The following ABI2 variants were observed in gnomAD, a reference collection of about 807,000 sequenced individuals.
ABI2 encodes abl interactor 2.
Under a neutral mutation model 59.2 loss-of-function variants are expected in ABI2, and 25 were observed. That is an observed-to-expected ratio of 0.42 (90% CI 0.31 to 0.59). The LOEUF (loss-of-function observed/expected upper bound fraction) is 0.59, where lower values mean the gene tolerates loss of function less well. Among genes scored for constraint, ABI2 ranks in the 20% least tolerant of loss-of-function variants. The pLI is 0.14. For synonymous variants in ABI2, 213 were observed against 235.5 expected, an observed-to-expected ratio of 0.90 and a Z score of 0.87; for missense variants, 545 against 681.8, an observed-to-expected ratio of 0.80 and a Z score of 2.23.
At chr2:203,394,605 T>G in intron 5 of ABI2, 95 bp from the exon 6 acceptor site, 3 of 1,259,082 alleles carry the variant, frequency 2.4e-6, no homozygotes, top group Non-Finnish European at 2.2e-6. Context: ...TTCCTATCTC[T>G]GATTACAAAT....
intron 2 of ABI2, among the ~76,000 whole-genome samples, chr2:203,370,822 CAA>C (rs1388799308): frequency 3.3e-5 from 5 of 152,076 alleles, no homozygotes; most frequent in Non-Finnish European, 7.4e-5. Flanking sequence ...CAATAAGCCT[CAA>C]GAGTTGTAAG....
At chr2:203,390,008 C>G (rs944577257) in intron 4 of ABI2, among the ~76,000 whole-genome samples, 1 of 152,162 alleles carries the variant, frequency 6.6e-6, no homozygotes, top group Admixed American at 6.5e-5. Context: ...TCAGTTTGGG[C>G]CCAAGTGGGT....
rs1281198766 is a variant in ABI2 at position 203,427,654 on chromosome 2, A to T, written c.*302A>T. 4.7e-6 allele frequency: 1 copy of T among 214,526 alleles called. No individual in the cohort carries two copies. The highest frequency in any genetic ancestry group is 9.4e-6 in the Non-Finnish European group (1 of 106,656). 13.3% of individuals were successfully genotyped at this position (214,526 alleles called of 1,614,324 possible). Reference sequence around the variant, plus strand: ...CCAAAACAAAATCAGATTAAGACTGATTCAGAAAAATCTGGGATCTTTCTC... The same window carrying T: ...CCAAAACAAAATCAGATTAAGACTGTTTCAGAAAAATCTGGGATCTTTCTC... On this transcript the variant is annotated 3_prime_UTR_variant, in exon 12 of 12. Coordinates refer to ENST00000261018, the MANE Select transcript of ABI2 (RefSeq NM_001375670.1).
chr2:203,363,167 C>T (rs910024560), intron 1 of ABI2, among the ~76,000 whole-genome samples: 4 of 151,770 alleles, frequency 2.6e-5, no homozygotes, highest in South Asian at 2.1e-4. Flanking sequence ...AAAAATTTTT[C>T]GTGAGTATAT....
intron 1 of ABI2, among the ~76,000 whole-genome samples, chr2:203,359,296 A>T (rs1488872248): frequency 1.3e-5 from 2 of 152,138 alleles, no homozygotes; most frequent in African/African-American, 4.8e-5. Flanking sequence ...ATATGAACTG[A>T]AGACTTCTAA....
At chr2:203,413,710 A>G (rs1438015645) in intron 10 of ABI2, among the ~76,000 whole-genome samples, 1 of 152,194 alleles carries the variant, frequency 6.6e-6, no homozygotes, top group Non-Finnish European at 1.5e-5. Context: ...TAAACTCTTT[A>G]AAACATTCAC....
intron 1 of ABI2, among the ~76,000 whole-genome samples, chr2:203,337,064 C>T (rs1443637359): frequency 2.0e-5 from 3 of 152,122 alleles, no homozygotes; most frequent in African/African-American, 7.2e-5. Flanking sequence ...GAAACCTTTT[C>T]CTCTAAGATC....
intron 11 of ABI2, among the ~76,000 whole-genome samples, chr2:203,423,794 T>A (rs1044972021): frequency 8.5e-5 from 13 of 152,348 alleles, no homozygotes; most frequent in African/African-American, 2.6e-4. Context: ...ATACTTCATA[T>A]AAAATTATAG....
intron 2 of ABI2, among the ~76,000 whole-genome samples, chr2:203,368,490 T>C (rs898640646): frequency 7.9e-5 from 12 of 152,152 alleles, no homozygotes; most frequent in Non-Finnish European, 1.2e-4. Context: ...TAACCATCTT[T>C]GAGAGTCTAA....
chr2:203,404,086 A>C (rs1039132892), intron 9 of ABI2, among the ~76,000 whole-genome samples: 3 of 151,976 alleles, frequency 2.0e-5, no homozygotes, highest in African/African-American at 4.8e-5. Flanking sequence ...TCCTACCTAC[A>C]TATTTAAAAA....
chr2:203,346,473 G>A (rs538034306), intron 1 of ABI2, among the ~76,000 whole-genome samples: 1 of 152,376 alleles, frequency 6.6e-6, no homozygotes, highest in Admixed American at 6.5e-5. Context: ...CTGTAAGAAG[G>A]AAGGTGAGAA....
chr2:203,343,840 C>G (rs1361821559), intron 1 of ABI2, among the ~76,000 whole-genome samples: 1 of 152,116 alleles, frequency 6.6e-6, no homozygotes, highest in Non-Finnish European at 1.5e-5. Flanking sequence ...AGTTAAAACA[C>G]TATTTTTTGG....
At chr2:203,367,661 G>C (rs1368878333) in intron 2 of ABI2, among the ~76,000 whole-genome samples, 1 of 152,096 alleles carries the variant, frequency 6.6e-6, no homozygotes, top group East Asian at 1.9e-4. Context: ...GCTTTTCTCT[G>C]TTAATATTTT....
chr2:203,341,662 A>G (rs564447403), intron 1 of ABI2, among the ~76,000 whole-genome samples: 61 of 152,234 alleles, frequency 4.0e-4, no homozygotes, highest in South Asian at 2.7e-3. Flanking sequence ...GTGAGCCTAG[A>G]TTGCACCACT....
At chr2:203,413,722 T>G (rs1041692705) in intron 10 of ABI2, among the ~76,000 whole-genome samples, 2 of 152,224 alleles carry the variant, frequency 1.3e-5, no homozygotes, top group African/African-American at 4.8e-5. Flanking sequence ...AACATTCACC[T>G]TGGAAAAATA....
At chr2:203,336,832 G>C (rs76216618) in intron 1 of ABI2, among the ~76,000 whole-genome samples, 5,702 of 152,246 alleles carry the variant, frequency 0.037, 348 homozygotes, top group African/African-American at 0.13. Context: ...GATTATTACC[G>C]TATGGTAAAT....
intron 1 of ABI2, among the ~76,000 whole-genome samples, chr2:203,345,232 C>G (rs2082573377): frequency 6.6e-6 from 1 of 152,152 alleles, no homozygotes; most frequent in Admixed American, 6.5e-5. Flanking sequence ...GAACAAATAA[C>G]TCCAGACACG....
At chr2:203,379,226 C>T (rs2095931252) in intron 2 of ABI2, among the ~76,000 whole-genome samples, 1 of 152,162 alleles carries the variant, frequency 6.6e-6, no homozygotes, top group African/African-American at 2.4e-5. Context: ...GCCCAAGCAA[C>T]TTGGTCTTTT....
Position 203,394,485 on chromosome 2 carries a change from G to C in ABI2, c.579-215G>C. The C allele has an allele frequency of 1.1e-5, 6 of 533,230 alleles. 1 individual carries two copies. Among genetic ancestry groups the C allele is most frequent in the Middle Eastern group, 9.9e-4 (2 of 2,012 alleles). The allele number at this position is 533,230 out of a possible 1,614,324, so 33.0% of individuals were successfully genotyped here. On this transcript the variant is annotated intron_variant, in intron 5 of 11. Transcript: ENST00000261018. ...ATGAACAAAATTGCATTAGCACAGG[G>C]AAATGAGGTTGGAGACTGAAAAATA...
Sources: gnomAD v4.1 joint callset for allele counts (sites outside exome capture counted in the v4.1 genomes callset) on GRCh38, gnomAD v4.1.1 for gene constraint, MANE v1.5 for transcripts, NCBI Gene and HGNC (gene_info 2026-07-23, HGNC 2026-07-21) for gene names.